CNBD1: variants seen among roughly 807,000 people sequenced by gnomAD.
The protein encoded by CNBD1 is cyclic nucleotide binding domain containing 1, also known as cyclic nucleotide-binding domain-containing protein 1.
In CNBD1, 71 loss-of-function variants were observed where a neutral mutation model predicts 54.4. The observed-to-expected ratio is 1.30, with a 90% CI of 1.08 to 1.59. The LOEUF (loss-of-function observed/expected upper bound fraction) is 1.59. CNBD1 is among the 40% of genes most tolerant of loss of function. The probability of loss-of-function intolerance (pLI) is 0.00; values close to 1 mark genes in which losing one functional copy is unlikely to be tolerated. For synonymous variants in CNBD1, 182 were observed against 170.7 expected, an observed-to-expected ratio of 1.07 and a Z score of -0.51; for missense variants, 659 against 518.0, an observed-to-expected ratio of 1.27 and a Z score of -2.64.
intron 5 of CNBD1, among the ~76,000 whole-genome samples, chr8:87,227,415 A>T: frequency 1.4e-5 from 2 of 143,562 alleles, no homozygotes; most frequent in African/African-American, 2.6e-5. Flanking sequence ...TTCCTTCAGG[A>T]GCTCTTTTAG....
intron 10 of CNBD1, among the ~76,000 whole-genome samples, chr8:87,364,004 C>G (rs1165860213): frequency 4.0e-5 from 6 of 150,568 alleles, no homozygotes; most frequent in African/African-American, 1.5e-4. Flanking sequence ...AAGTTTTAGA[C>G]AAATCTTTGA....
At chr8:86,996,958 C>T (rs534339579) in intron 4 of CNBD1, among the ~76,000 whole-genome samples, 24 of 152,234 alleles carry the variant, frequency 1.6e-4, no homozygotes, top group African/African-American at 5.1e-4. Flanking sequence ...CAAGACATTT[C>T]TTCTGTAAGG....
intron 2 of CNBD1, among the ~76,000 whole-genome samples, chr8:87,391,959 A>G (rs57210260): frequency 6.6e-6 from 1 of 152,028 alleles, no homozygotes; most frequent in Non-Finnish European, 1.5e-5. Context: ...TATACCCAGC[A>G]TGTAAAAAGA....
intron 4 of CNBD1, among the ~76,000 whole-genome samples, chr8:86,950,311 A>C (rs1001536115): frequency 4.6e-5 from 7 of 151,716 alleles, no homozygotes; most frequent in Non-Finnish European, 1.0e-4. Flanking sequence ...CTCATGATCC[A>C]CCTGTCTCAG....
downstream of CNBD1, among the ~76,000 whole-genome samples, chr8:87,387,697 T>C (rs1811219362): frequency 6.6e-6 from 1 of 152,050 alleles, no homozygotes; most frequent in South Asian, 2.1e-4. Context: ...GACAGATCAA[T>C]GAGACAGAAA....
intron 4 of CNBD1, among the ~76,000 whole-genome samples, chr8:87,117,723 G>C (rs1341375489): frequency 6.6e-6 from 1 of 152,144 alleles, no homozygotes; most frequent in African/African-American, 2.4e-5. Context: ...GTAGACCTTG[G>C]ACAGCTAGCT....
At chr8:87,368,161 AAAAAGAAAAG>A (rs71277938) in intron 10 of CNBD1, among the ~76,000 whole-genome samples, 24 of 148,244 alleles carry the variant, frequency 1.6e-4, no homozygotes, top group African/African-American at 4.5e-4. Context: ...GATTCCATCT[AAAAAGAAAAG>A]AAAAGAAAAG....
intron 6 of CNBD1, among the ~76,000 whole-genome samples, chr8:87,281,389 A>G (rs1808594050): frequency 6.6e-6 from 1 of 151,216 alleles, no homozygotes; most frequent in South Asian, 2.1e-4. Context: ...CCTGACATGT[A>G]TGCTTGCACA....
chr8:87,353,190 T>C (rs1260015182), intron 9 of CNBD1, among the ~76,000 whole-genome samples: 1 of 152,232 alleles, frequency 6.6e-6, no homozygotes, highest in East Asian at 1.9e-4. Flanking sequence ...CCCTCCTTTT[T>C]GACTTAATAC....
rs547007555 is a variant in CNBD1, at chr8:86,883,426, T to C, written c.89-4116T>C. ...GAGAATCTTAAGATCAATGTGATCA[T>C]TGAAGACATGAATGCAGATAAGATT... On this transcript the variant is annotated intron_variant, in intron 1 of 10. Coordinates refer to ENST00000518476, the MANE Select transcript of CNBD1 (RefSeq NM_173538.3). Among the ~76,000 whole-genome samples, 12 of 152,278 alleles carry C rather than the reference T, an allele frequency of 7.9e-5. No individual in the cohort carries two copies. In the South Asian group the frequency reaches 2.1e-3, roughly 26 times the overall value.
intron 5 of CNBD1, among the ~76,000 whole-genome samples, chr8:87,222,787 G>T (rs1360168314): frequency 6.6e-6 from 1 of 152,060 alleles, no homozygotes; most frequent in African/African-American, 2.4e-5. Context: ...TCTCTAACTA[G>T]TATTTTTAAT....
At chr8:87,380,037 C>A (rs1017259666) in intron 10 of CNBD1, among the ~76,000 whole-genome samples, 4 of 151,622 alleles carry the variant, frequency 2.6e-5, no homozygotes, top group African/African-American at 4.8e-5. Context: ...TTAGATAATG[C>A]AAGACAATAA....
chr8:87,306,032 C>G (rs577034679), intron 8 of CNBD1, among the ~76,000 whole-genome samples: 1 of 152,098 alleles, frequency 6.6e-6, no homozygotes. Context: ...TATCCAGAAT[C>G]TACAACAAAC....
At chr8:87,076,460 T>G (rs1810874423) in intron 4 of CNBD1, among the ~76,000 whole-genome samples, 1 of 152,130 alleles carries the variant, frequency 6.6e-6, no homozygotes, top group African/African-American at 2.4e-5. Context: ...TTTTTTTTTT[T>G]GAGACAGAGT....
chr8:87,373,947 A>C (rs555726541), intron 10 of CNBD1, among the ~76,000 whole-genome samples: 2 of 151,904 alleles, frequency 1.3e-5, no homozygotes, highest in South Asian at 4.1e-4. Flanking sequence ...ATATTGCTTA[A>C]TTGTTAGAAG....
chr8:87,083,204 C>G (rs978883379), intron 4 of CNBD1, among the ~76,000 whole-genome samples: 2 of 152,118 alleles, frequency 1.3e-5, no homozygotes, highest in Non-Finnish European at 2.9e-5. Flanking sequence ...TGTTTCTTTG[C>G]GATATTTTAA....
At position 87,240,612 on chromosome 8, in the gene CNBD1, A is replaced by G. The variant is rs149825695; in HGVS notation, c.771+3500A>G. Among the ~76,000 whole-genome samples the G allele has an allele frequency of 1.1e-3, 170 of 152,300 alleles. 1 individual carries two copies. Among genetic ancestry groups the G allele is most frequent in the African/African-American group, 3.9e-3 (163 of 41,582 alleles). ...TGTGCCATAGAATCCAGCAGTGGGA[A>G]GAATAGTTTAAATTGGTCTATTCCC... On this transcript the variant is annotated intron_variant, in intron 6 of 10. Coordinates refer to ENST00000518476, the MANE Select transcript of CNBD1 (RefSeq NM_173538.3).
At chr8:86,976,677 A>G (rs1323737983) in intron 4 of CNBD1, among the ~76,000 whole-genome samples, 1 of 152,010 alleles carries the variant, frequency 6.6e-6, no homozygotes, top group Non-Finnish European at 1.5e-5. Context: ...AACATAGAAT[A>G]TCTTTCCATT....
chr8:87,096,805 T>G (rs375776257), intron 4 of CNBD1, among the ~76,000 whole-genome samples: 1 of 99,274 alleles, frequency 1.0e-5, no homozygotes, highest in South Asian at 2.8e-4. Context: ...TTTTCTTCCC[T>G]TTTTTTTTTT....
Sources: gnomAD v4.1 joint callset for allele counts (sites outside exome capture counted in the v4.1 genomes callset) on GRCh38, gnomAD v4.1.1 for gene constraint, MANE v1.5 for transcripts, NCBI Gene and HGNC (gene_info 2026-07-23, HGNC 2026-07-21) for gene names.